The following SUN1 variants were observed in gnomAD, a reference collection of about 807,000 sequenced individuals.
SUN1 encodes the protein Sad1 and UNC84 domain containing 1.
Under a neutral mutation model 103.2 loss-of-function variants are expected in SUN1, and 61 were observed. That is an observed-to-expected ratio of 0.59 (90% CI 0.48 to 0.73). The LOEUF (loss-of-function observed/expected upper bound fraction) is 0.73. Ranked by LOEUF, SUN1 falls within the 30% of genes least tolerant of loss-of-function variation. The probability of loss-of-function intolerance (pLI) is 0.00; values close to 1 mark genes in which losing one functional copy is unlikely to be tolerated. For missense variants in SUN1, 1,052 were observed against 1,034.6 expected, an observed-to-expected ratio of 1.02 and a Z score of -0.23; for synonymous variants, 490 against 425.7, an observed-to-expected ratio of 1.15 and a Z score of -1.86.
chr7:864,789 C>T lies in SUN1; in HGVS notation c.1865-1163C>T, dbSNP rs77873252. On this transcript the variant is annotated intron_variant, in intron 15 of 18. Transcript: ENST00000401592. Reference sequence around the variant, plus strand: ...GACTACAGGGGCGCGTCACCACGCCCGGCTAATTTTCATATTTTTAGTAGA... The same window carrying T: ...GACTACAGGGGCGCGTCACCACGCCTGGCTAATTTTCATATTTTTAGTAGA... Among the ~76,000 whole-genome samples the T allele has an allele frequency of 0.015, 1,557 of 100,900 alleles. 51 individuals carry two copies. The East Asian group carries it at 0.21, about 13-fold the overall frequency. 66.2% of individuals were successfully genotyped at this position (100,900 alleles called of 152,430 possible). A position where few individuals can be genotyped will look rare whatever the true frequency, so the allele number is the denominator to read the frequency against.
intron 16 of SUN1, among the ~76,000 whole-genome samples, chr7:866,398 C>T (rs1395400312): frequency 1.3e-5 from 2 of 152,116 alleles, no homozygotes; most frequent in African/African-American, 2.4e-5. Flanking sequence ...GTGGGTCTTC[C>T]GTCACGAGAG....
Position 858,500 on chromosome 7 carries a change from G to A in SUN1, c.1524+543G>A, listed in dbSNP as rs74344123. Among the ~76,000 whole-genome samples the A allele has an allele frequency of 6.2e-4, 94 of 152,208 alleles. 1 individual carries two copies. In the East Asian group the frequency reaches 0.014, roughly 23 times the overall value. On this transcript the variant is annotated intron_variant, in intron 13 of 18. Coordinates refer to ENST00000401592, the MANE Select transcript of SUN1 (RefSeq NM_001130965.3). ...CACTGTGCGTCAGCACCCACCATGC[G>A]TCTTCCCAGTCTCCTTGGTATGCGT...
At chr7:849,158 A>T (rs1445010505) in intron 5 of SUN1, among the ~76,000 whole-genome samples, 1 of 152,152 alleles carries the variant, frequency 6.6e-6, no homozygotes, top group African/African-American at 2.4e-5. Flanking sequence ...GGGTTTCATC[A>T]TGTTAGCCAA....
chr7:828,460 CG>C (rs1794907567), upstream of SUN1, among the ~76,000 whole-genome samples: 1 of 151,380 alleles, frequency 6.6e-6, no homozygotes, highest in Admixed American at 6.6e-5. Flanking sequence ...TTAGTAGAGA[CG>C]GGGTTTCACC....
Position 852,825 on chromosome 7 carries a change from G to A in SUN1, c.926G>A (p.Arg309Gln). The A allele has an allele frequency of 1.2e-6, 2 of 1,613,238 alleles. No homozygotes were observed. The highest frequency in any genetic ancestry group is 1.7e-6 in the Non-Finnish European group (2 of 1,179,494). Residue 309 changes from arginine (R) to glutamine (Q), a missense_variant, in exon 9 of 19, where the codon CGG becomes CAG. By Grantham distance (43) the Arg-to-Gln change is conservative. Transcript: ENST00000401592. ...TCTCTTTTAGCAGGTCTCTCCTTAC[G>A]GGGCCAGGGCAATTTCTTTTCGTTC... ...LFLLLAGLSL[R>Q]GQGNFFSFLP...
At chr7:844,736 A>G (rs995345668) in intron 5 of SUN1, among the ~76,000 whole-genome samples, 2 of 152,198 alleles carry the variant, frequency 1.3e-5, no homozygotes, top group African/African-American at 4.8e-5. Context: ...ACTCTGCGCC[A>G]GGCACTGTTC....
intron 14 of SUN1, among the ~76,000 whole-genome samples, chr7:861,020 C>G (rs2128464360): frequency 6.6e-6 from 1 of 152,326 alleles, no homozygotes; most frequent in South Asian, 2.1e-4. Flanking sequence ...ACAGCCAAGC[C>G]CTATCACTCA....
intron 1 of SUN1, among the ~76,000 whole-genome samples, chr7:821,215 G>C (rs1283497623): frequency 1.5e-5 from 2 of 135,000 alleles, no homozygotes; most frequent in African/African-American, 5.7e-5. Context: ...TGTCGCCCAG[G>C]CTGGAGTGCA....
At chr7:836,364 T>C (rs891189420) in intron 1 of SUN1, among the ~76,000 whole-genome samples, 1 of 151,982 alleles carries the variant, frequency 6.6e-6, no homozygotes, top group Non-Finnish European at 1.5e-5. Flanking sequence ...AATAGGTGCA[T>C]AGGAATAGAT....
At chr7:823,419 G>A (rs1788284565) in intron 1 of SUN1, among the ~76,000 whole-genome samples, 1 of 152,150 alleles carries the variant, frequency 6.6e-6, no homozygotes, top group Non-Finnish European at 1.5e-5. Context: ...AGTTTGGGGT[G>A]TAACTAGACC....
chr7:836,595 C>T (rs1176779391), intron 1 of SUN1, among the ~76,000 whole-genome samples: 1 of 152,196 alleles, frequency 6.6e-6, no homozygotes, highest in East Asian at 1.9e-4. Flanking sequence ...GCTGGCGTTC[C>T]AGGTCCAGGC....
At chr7:844,577 A>G (rs1584628401) in intron 5 of SUN1, among the ~76,000 whole-genome samples, 1 of 152,038 alleles carries the variant, frequency 6.6e-6, no homozygotes, top group African/African-American at 2.4e-5. Flanking sequence ...GGTGTTATGG[A>G]CACTGCTAGT....
upstream of SUN1, among the ~76,000 whole-genome samples, chr7:828,250 T>C (rs1203312846): frequency 1.0e-5 from 1 of 97,750 alleles, no homozygotes; most frequent in Admixed American, 1.2e-4. Context: ...ATGTTTTTGT[T>C]TTTGTTTTTG....
chr7:849,889 C>CCGCCACACTCACTGCCTGT, intron 5 of SUN1: 1 of 1,571,926 alleles, frequency 6.4e-7, no homozygotes, highest in Non-Finnish European at 8.6e-7. Context: ...GCTTGTGAAT[C>CCGCCACACTCACTGCCTGT]CGCCACACTC....
chr7:851,531 G>C (rs1320839049), intron 6 of SUN1, 49 bp downstream of exon 6: 1 of 1,449,172 alleles, frequency 6.9e-7, no homozygotes, highest in African/African-American at 1.7e-5. Context: ...GCTTCTGGCA[G>C]CTAAGCACCT....
chr7:867,553 T>C (rs1048138452), intron 16 of SUN1, among the ~76,000 whole-genome samples: 3 of 152,174 alleles, frequency 2.0e-5, no homozygotes, highest in African/African-American at 2.4e-5. Flanking sequence ...TTCAGTGTCT[T>C]AGAGACTGAG....
chr7:866,725 C>CAT (rs1837207028), intron 16 of SUN1, among the ~76,000 whole-genome samples: 1 of 106,794 alleles, frequency 9.4e-6, no homozygotes, highest in Admixed American at 8.2e-5. Flanking sequence ...CCCCCCCCGC[C>CAT]CCCCGTCCCA....
intron 18 of SUN1, among the ~76,000 whole-genome samples, chr7:872,887 G>T (rs1178653357): frequency 6.6e-6 from 1 of 152,144 alleles, no homozygotes; most frequent in Non-Finnish European, 1.5e-5. Context: ...AGGAGTTCGA[G>T]ACCAGCCTGA....
chr7:866,038 T>C lies in SUN1; in HGVS notation c.1951T>C (p.Phe651Leu). The C allele has an allele frequency of 6.2e-7, 1 of 1,614,126 alleles. No individual in the cohort carries two copies. The highest frequency in any genetic ancestry group is 8.5e-7 in the Non-Finnish European group (1 of 1,179,998). ...TCTGTTTGGGATCCCGCTGTGGTAC[T>C]TCTCGCAGTCCCCGCGCGTGGTCAT... ...MSLFGIPLWY[F>L]SQSPRVVIQP... Residue 651 changes from phenylalanine (F) to leucine (L), a missense_variant, in exon 16 of 19, where the codon TTC becomes CTC. Physicochemically the swap from Phe to Leu is conservative, Grantham distance 22. Around this residue, in one of 2 missense-constraint regions of SUN1, gnomAD observed 206 missense variants for 260.1 expected, o/e 0.79. Transcript: ENST00000401592.
Sources: gnomAD v4.1 joint callset for allele counts (sites outside exome capture counted in the v4.1 genomes callset) on GRCh38, gnomAD v4.1.1 for gene constraint, gnomAD v4.1.1 regional missense constraint, MANE v1.5 for transcripts, NCBI Gene and HGNC (gene_info 2026-07-23, HGNC 2026-07-21) for gene names.